SEPTIN2: variants seen among roughly 807,000 people sequenced by gnomAD.
The protein encoded by SEPTIN2 is septin-2.
SEPTIN2 carries 34 observed loss-of-function variants against 46.5 expected under a neutral mutation model. The ratio of observed to expected loss-of-function variants is 0.73; its 90% CI spans 0.56 to 0.97. The LOEUF (loss-of-function observed/expected upper bound fraction) is 0.97, where lower values mean the gene tolerates loss of function less well. Ranked by LOEUF, SEPTIN2 falls within the 50% of genes least tolerant of loss-of-function variation. The pLI is 0.00. For missense variants in SEPTIN2, 347 were observed against 448.4 expected (o/e 0.77, Z 2.04); for synonymous variants, 175 against 153.4 (o/e 1.14, Z -1.04).
Position 241,337,674 on chromosome 2 carries a change from C to A in SEPTIN2, c.478C>A (p.Leu160Ile). Residue 160 changes from leucine (L) to isoleucine (I), a missense_variant and splice_region_variant, in exon 7 of 13, where the codon CTT (leucine) becomes ATT (isoleucine). Leu to Ile is a conservative substitution (Grantham distance 5, BLOSUM62 2). Transcript: ENST00000391971. The part of the protein sequence containing the change: ...FYFISPFGHG[L>I]KPLDVAFMKA... ...TGACAATTCTAAAATTAATTTTAGA[C>A]TTAAGCCCTTAGATGTGGCGTTTAT... 6.2e-7 allele frequency: 1 copy of A among 1,609,228 alleles called. No homozygotes were observed. The highest frequency in any genetic ancestry group is 1.1e-5 in the South Asian group (1 of 89,978).
At chr2:241,346,434 G>A (rs781456141) in intron 10 of SEPTIN2, 185 bp downstream of exon 10, 207 of 439,800 alleles carry the variant, frequency 4.7e-4, no homozygotes, top group South Asian at 1.4e-3. Flanking sequence ...TTAAGAAAAA[G>A]TACATTTAAT....
At chr2:241,348,350 C>T (rs189755377) in intron 11 of SEPTIN2, among the ~76,000 whole-genome samples, 159 bp downstream of exon 11, 196 of 152,208 alleles carry the variant, frequency 1.3e-3, no homozygotes, top group Non-Finnish European at 2.4e-3. Flanking sequence ...GCCTCAGCCT[C>T]CCGAGTAGCT....
At chr2:241,318,086 T>C (rs1427619686) in intron 1 of SEPTIN2, among the ~76,000 whole-genome samples, 1 of 148,720 alleles carries the variant, frequency 6.7e-6, no homozygotes, top group African/African-American at 2.5e-5. Flanking sequence ...TAATAAATTA[T>C]GAGAGAAAAC....
chr2:241,343,121 T>A, intron 8 of SEPTIN2, 28 bp downstream of exon 8: 1 of 1,206,266 alleles, frequency 8.3e-7, no homozygotes, highest in Non-Finnish European at 1.2e-6. Flanking sequence ...ATCCACAACA[T>A]AAATAACTCC....
Position 241,342,923 on chromosome 2 carries a change from T to G in SEPTIN2, c.595-69T>G, listed in dbSNP as rs2081454492. 1.1e-5 allele frequency: 8 copies of G among 737,596 alleles called. No homozygotes were observed. In the South Asian group the frequency reaches 1.4e-4, roughly 13 times the overall value. The allele number at this position is 737,596 out of a possible 1,614,324, so 45.7% of individuals were successfully genotyped here. A position where few individuals can be genotyped will look rare whatever the true frequency, so the allele number is the denominator to read the frequency against. On this transcript the variant is annotated intron_variant, in intron 7 of 12. Transcript: ENST00000391971. ...GATTTCCAATATATTTCTTACAAGA[T>G]GAGCTAGAATTGGCTACAATAACAT...
intron 7 of SEPTIN2, among the ~76,000 whole-genome samples, chr2:241,340,989 G>A (rs1052847223): frequency 6.6e-6 from 1 of 152,126 alleles, no homozygotes; most frequent in African/African-American, 2.4e-5. Context: ...CATGGGCTTG[G>A]CCAACAGTTC....
At position 241,343,802 on chromosome 2, in the gene SEPTIN2, A is replaced by G; in HGVS notation, c.747A>G (p.Lys249=). Residue 249 remains lysine, a synonymous_variant, in exon 9 of 13, where the codon AAA becomes AAG. Transcript: ENST00000391971. The part of the protein sequence containing the change: ...VVGSNQLIEA[K]GKKVRGRLYP... ...GATCCAATCAGTTGATTGAAGCCAA[A>G]GGAAAGAAGGTCAGAGGCCGCCTCT... The G allele has an allele frequency of 3.1e-6, 5 of 1,614,180 alleles. No homozygotes were observed. The South Asian group carries it at 3.3e-5, about 11-fold the overall frequency.
At chr2:241,336,705 T>A (rs951131627) in intron 5 of SEPTIN2, 3 of 170,782 alleles carry the variant, frequency 1.8e-5, no homozygotes, top group African/African-American at 7.3e-5. Flanking sequence ...CCAGCTCAGT[T>A]AAATGCTGTT....
Position 241,335,124 on chromosome 2 carries a change from A to G in SEPTIN2, c.131-2A>G. The G allele has an allele frequency of 6.2e-7, 1 of 1,605,748 alleles. No homozygotes were observed. On this transcript the variant is annotated splice_acceptor_variant, in intron 3 of 12. Coordinates refer to ENST00000391971, the MANE Select transcript of SEPTIN2 (RefSeq NM_004404.5). LOFTEE classifies it high-confidence loss of function. Reference sequence around the variant, plus strand: ...TGACAAGGTTTTTCTTTTTATTTAAAGGTGAATCAGGTCTAGGAAAATCGA... The same window carrying G: ...TGACAAGGTTTTTCTTTTTATTTAAGGGTGAATCAGGTCTAGGAAAATCGA...
chr2:241,327,427 A>C (rs2149927060), intron 3 of SEPTIN2, among the ~76,000 whole-genome samples: 1 of 151,952 alleles, frequency 6.6e-6, no homozygotes, highest in East Asian at 1.9e-4. Flanking sequence ...AAAAAAAAGA[A>C]ATTGAATGTG....
At chr2:241,330,019 A>T (rs562024702) in intron 3 of SEPTIN2, among the ~76,000 whole-genome samples, 1 of 152,342 alleles carries the variant, frequency 6.6e-6, no homozygotes, top group East Asian at 1.9e-4. Flanking sequence ...TCTTTGAATA[A>T]ATTATGCTTC....
At chr2:241,320,259 C>G (rs2076947655) in intron 1 of SEPTIN2, 1 of 471,206 alleles carries the variant, frequency 2.1e-6, no homozygotes. Context: ...GAGTTCAACT[C>G]TAACGTCAAG....
intron 3 of SEPTIN2, among the ~76,000 whole-genome samples, chr2:241,328,764 G>A (rs908891522): frequency 1.3e-5 from 2 of 148,788 alleles, no homozygotes; most frequent in African/African-American, 2.5e-5. Flanking sequence ...GCTCACGCCT[G>A]TAATCCCAGC....
chr2:241,317,564 T>G, intron 1 of SEPTIN2: 1 of 980,622 alleles, frequency 1.0e-6, no homozygotes. Context: ...TCTGGAGGAA[T>G]GGGGACACCA....
intron 7 of SEPTIN2, among the ~76,000 whole-genome samples, chr2:241,339,011 A>T (rs940559653): frequency 8.5e-6 from 1 of 118,258 alleles, no homozygotes; most frequent in Admixed American, 1.2e-4. Context: ...TAAATATTAT[A>T]TTTATACATT....
At chr2:241,343,957 C>G in intron 9 of SEPTIN2, 60 bp downstream of exon 9, 1 of 1,592,602 alleles carries the variant, frequency 6.3e-7, no homozygotes, top group South Asian at 1.1e-5. Context: ...GGATTTCAGA[C>G]GGGGTGTACA....
chr2:241,324,534 C>A (rs138870773), intron 2 of SEPTIN2: 233 of 436,440 alleles, frequency 5.3e-4, no homozygotes, highest in African/African-American at 4.3e-3. Flanking sequence ...ACTGCAGACA[C>A]GTGCCACCAC....
At chr2:241,318,700 TTC>T (rs2076723341) in intron 1 of SEPTIN2, among the ~76,000 whole-genome samples, 1 of 149,256 alleles carries the variant, frequency 6.7e-6, no homozygotes, top group African/African-American at 2.5e-5. Flanking sequence ...TATTTGTATT[TTC>T]TTTTTTTTTT....
rs953943100 is a variant in SEPTIN2, at chr2:241,324,157, G to A, written c.-17-59G>A. ...AGTTCACGCTGTTAAATATACGTGC[G>A]TATACATACATACTATGTATGTGCG... On this transcript the variant is annotated intron_variant, in intron 1 of 12. Transcript: ENST00000391971. The A allele has an allele frequency of 7.3e-6, 11 of 1,506,920 alleles. No homozygotes were observed. In the East Asian group the frequency reaches 1.1e-4, roughly 15 times the overall value. 93.3% of individuals were successfully genotyped at this position (1,506,920 alleles called of 1,614,324 possible).
Sources: allele counts gnomAD v4.1 joint callset (sites outside exome capture counted in the v4.1 genomes callset), GRCh38; gene constraint gnomAD v4.1.1; transcripts MANE v1.5; gene names NCBI Gene and HGNC (gene_info 2026-07-23, HGNC 2026-07-21).